The following IGF2BP3 variants were observed in gnomAD, a reference collection of about 807,000 sequenced individuals.
IGF2BP3 encodes insulin like growth factor 2 mRNA binding protein 3, also known as insulin-like growth factor 2 mRNA-binding protein 3.
IGF2BP3 carries 9 observed loss-of-function variants against 73.8 expected under a neutral mutation model. The ratio of observed to expected loss-of-function variants is 0.12; its 90% CI spans 0.07 to 0.21. The LOEUF (loss-of-function observed/expected upper bound fraction) is 0.21, where lower values mean the gene tolerates loss of function less well. Ranked by LOEUF, IGF2BP3 falls within the 10% of genes least tolerant of loss-of-function variation. The probability of loss-of-function intolerance (pLI) is 1.00; values close to 1 mark genes in which losing one functional copy is unlikely to be tolerated. For missense variants in IGF2BP3, 542 were observed against 714.0 expected (o/e 0.76, Z 2.75); for synonymous variants, 258 against 256.7 (o/e 1.01, Z -0.05).
intron 3 of IGF2BP3, among the ~76,000 whole-genome samples, chr7:23,394,023 T>C (rs532487673): frequency 3.4e-4 from 51 of 152,226 alleles, no homozygotes; most frequent in African/African-American, 1.1e-3. Context: ...ATTCCTACAC[T>C]TGTGTATACC....
rs184300875 is a variant in IGF2BP3, at chr7:23,369,842, C to A, written c.286-8101G>T. The stretch of plus-strand genomic sequence containing the variant: ...GTATTTTAGTTGATACCACTATGGG[C>A]GTGAGGTAGATAATTTATGTTCTGC... On this transcript the variant is annotated intron_variant, in intron 3 of 14. Transcript: ENST00000258729. 7.7e-3 allele frequency among the ~76,000 whole-genome samples: 1,165 copies of A among 152,162 alleles called. 62 individuals are homozygous for A. The highest frequency in any genetic ancestry group is 0.073 in the Admixed American group (1,122 of 15,272).
intron 10 of IGF2BP3, among the ~76,000 whole-genome samples, chr7:23,325,635 A>C (rs1784274245): frequency 6.6e-6 from 1 of 152,204 alleles, no homozygotes; most frequent in African/African-American, 2.4e-5. Flanking sequence ...AGCCAAAAGA[A>C]CAAAGCTGGA....
intron 2 of IGF2BP3, among the ~76,000 whole-genome samples, chr7:23,463,188 C>G (rs765783626): frequency 7.9e-5 from 12 of 152,194 alleles, no homozygotes; most frequent in Non-Finnish European, 1.5e-4. Flanking sequence ...CTCACACCTT[C>G]CAAAAATTAG....
intron 10 of IGF2BP3, among the ~76,000 whole-genome samples, chr7:23,325,225 C>G (rs2128494880): frequency 6.6e-6 from 1 of 152,232 alleles, no homozygotes; most frequent in Non-Finnish European, 1.5e-5. Flanking sequence ...TCAGCAAAGT[C>G]TCAGGATACA....
intron 3 of IGF2BP3, among the ~76,000 whole-genome samples, chr7:23,387,118 T>A (rs887384079): frequency 6.6e-6 from 1 of 151,578 alleles, no homozygotes; most frequent in Non-Finnish European, 1.5e-5. Flanking sequence ...GGTAGGTAGG[T>A]TGGTTGGTTA....
chr7:23,353,620 C>T (rs1221922399), intron 5 of IGF2BP3, among the ~76,000 whole-genome samples: 1 of 152,194 alleles, frequency 6.6e-6, no homozygotes, highest in Non-Finnish European at 1.5e-5. Context: ...ATATTCGGTT[C>T]CTTCATTAAA....
intron 3 of IGF2BP3, among the ~76,000 whole-genome samples, chr7:23,406,067 TAAAAAAAAAAA>T (rs35605892): frequency 7.2e-6 from 1 of 139,056 alleles, no homozygotes; most frequent in African/African-American, 2.7e-5. Context: ...ATTTTCTGAT[TAAAAAAAAAAA>T]AAAAGAAAGA....
At chr7:23,374,564 C>T (rs1785658060) in intron 3 of IGF2BP3, among the ~76,000 whole-genome samples, 2 of 151,726 alleles carry the variant, frequency 1.3e-5, no homozygotes, top group Admixed American at 1.3e-4. Context: ...GTACTCCCAG[C>T]TACTCGGGAG....
intron 2 of IGF2BP3, among the ~76,000 whole-genome samples, chr7:23,437,416 GA>G (rs1787831398): frequency 6.6e-6 from 1 of 152,096 alleles, no homozygotes; most frequent in Non-Finnish European, 1.5e-5. Context: ...CCAGGAGGCG[GA>G]GGTTGCAGTG....
At chr7:23,396,418 C>T in intron 3 of IGF2BP3, 1 of 160,646 alleles carries the variant, frequency 6.2e-6, no homozygotes. Context: ...TGTACTTACA[C>T]ACACACACAC....
At chr7:23,396,478 A>T (rs1786468883) in intron 3 of IGF2BP3, 1 of 187,266 alleles carries the variant, frequency 5.3e-6, no homozygotes, top group African/African-American at 2.3e-5. Context: ...AGCTGGAATT[A>T]CTGGCAGATT....
chr7:23,419,761 A>T (rs1362232325), intron 2 of IGF2BP3, among the ~76,000 whole-genome samples: 1 of 152,182 alleles, frequency 6.6e-6, no homozygotes, highest in Non-Finnish European at 1.5e-5. Context: ...GCTGAGGCAG[A>T]AGAATCACTT....
chr7:23,339,619 C>G (rs1784658359), intron 10 of IGF2BP3, among the ~76,000 whole-genome samples: 1 of 152,050 alleles, frequency 6.6e-6, no homozygotes, highest in South Asian at 2.1e-4. Context: ...GAACATGTCA[C>G]CAGTATAGAG....
intron 3 of IGF2BP3, among the ~76,000 whole-genome samples, chr7:23,378,884 C>T (rs978429254): frequency 1.3e-5 from 2 of 151,902 alleles, no homozygotes; most frequent in Non-Finnish European, 2.9e-5. Context: ...CTCTTCTATT[C>T]GTAAGGCTCC....
intron 10 of IGF2BP3, among the ~76,000 whole-genome samples, chr7:23,328,196 T>C (rs1784354764): frequency 6.6e-6 from 1 of 152,182 alleles, no homozygotes; most frequent in Admixed American, 6.5e-5. Flanking sequence ...AAGGAAAAAT[T>C]CAGTTAATTG....
Position 23,361,690 on chromosome 7 carries a change from C to G in IGF2BP3, c.337G>C (p.Val113Leu). 1 of 1,613,940 alleles carries G rather than the reference C, an allele frequency of 6.2e-7. No individual in the cohort carries two copies. The highest frequency in any genetic ancestry group is 8.5e-7 in the Non-Finnish European group (1 of 1,179,880). ...QYGVVESCEQ[V>L]NTDSETAVVN... ...TGAAAGCAATTCAGAAGACATGTAC[C>G]TTGCTCACAGCTCTCCACCACTCCA... is the stretch of plus-strand genomic sequence containing the variant. The change falls in exon 4 of 15, where the codon GTG (valine) becomes CTG (leucine). Residue 113 changes from valine to leucine, a missense_variant and splice_region_variant. Physicochemically the swap from Val to Leu is conservative, Grantham distance 32. Transcript: ENST00000258729.
chr7:23,372,538 A>G (rs1429056348), intron 3 of IGF2BP3, among the ~76,000 whole-genome samples: 1 of 152,138 alleles, frequency 6.6e-6, no homozygotes, highest in Non-Finnish European at 1.5e-5. Context: ...TCACATCCTC[A>G]TAACTTAACT....
chr7:23,367,309 G>A (rs1326369936), intron 3 of IGF2BP3, among the ~76,000 whole-genome samples: 1 of 151,996 alleles, frequency 6.6e-6, no homozygotes, highest in Non-Finnish European at 1.5e-5. Context: ...TAAACAGGAA[G>A]ATAAGACAGT....
intron 2 of IGF2BP3, among the ~76,000 whole-genome samples, chr7:23,455,782 T>C (rs961647459): frequency 1.3e-5 from 2 of 152,178 alleles, no homozygotes; most frequent in African/African-American, 2.4e-5. Context: ...GCCTCCCGGA[T>C]TCGAGCCACT....
Sources: gnomAD v4.1 joint callset for allele counts (sites outside exome capture counted in the v4.1 genomes callset) on GRCh38, gnomAD v4.1.1 for gene constraint, MANE v1.5 for transcripts, NCBI Gene and HGNC (gene_info 2026-07-23, HGNC 2026-07-21) for gene names.